The following FEM1B variants were observed in gnomAD, a reference collection of about 807,000 sequenced individuals.
The protein encoded by FEM1B is fem-1 homolog B, also known as protein fem-1 homolog B.
Under a neutral mutation model 38.6 loss-of-function variants are expected in FEM1B, and 10 were observed. The ratio of observed to expected loss-of-function variants is 0.26; its 90% CI spans 0.16 to 0.44. The LOEUF (loss-of-function observed/expected upper bound fraction) is 0.44. Among genes scored for constraint, FEM1B ranks in the 20% least tolerant of loss-of-function variants. FEM1B has a pLI of 1.00. For missense variants in FEM1B, 471 were observed against 786.7 expected, an observed-to-expected ratio of 0.60 and a Z score of 4.80; for synonymous variants, 288 against 288.0, an observed-to-expected ratio of 1.00 and a Z score of 0.00.
rs1892697538 is a variant in FEM1B at position 68,278,914 on chromosome 15, C to T, written c.248+249C>T. ...GTGGGAAGATAACCACACCCTCGGC[C>T]TTGAAATCTAATAGTCGTCTTCTCT... On this transcript the variant is annotated intron_variant, in intron 1 of 1. Transcript: ENST00000306917. The surrounding 1 kb of genome is among the most constrained non-coding windows in gnomAD (Gnocchi z 5.7). Among the ~76,000 whole-genome samples the T allele has an allele frequency of 6.6e-6, 1 of 152,204 alleles. No individual in the cohort carries two copies. The highest frequency in any genetic ancestry group is 2.4e-5 in the African/African-American group (1 of 41,446).
intron 1 of FEM1B, among the ~76,000 whole-genome samples, chr15:68,287,877 C>T (rs1221450942): frequency 6.7e-6 from 1 of 150,034 alleles, no homozygotes; most frequent in Non-Finnish European, 1.5e-5. Flanking sequence ...CTCTGTTGCC[C>T]AGGCTGAGTG....
rs1050044276 is a variant in FEM1B, at chr15:68,278,758, A to G, written c.248+93A>G. 1.4e-6 allele frequency: 2 copies of G among 1,424,084 alleles called. No homozygotes were observed. The highest frequency in any genetic ancestry group is 2.0e-6 in the Non-Finnish European group (2 of 1,025,332). The allele number at this position is 1,424,084 out of a possible 1,614,324, so 88.2% of individuals were successfully genotyped here. A position where few individuals can be genotyped will look rare whatever the true frequency, so the allele number is the denominator to read the frequency against. ...CCTCACCCTCTCTTACCCTCTCTTC[A>G]TGTAGGTACTCACTTCTCCCCTTTT... On this transcript the variant is annotated intron_variant, in intron 1 of 1. Coordinates refer to ENST00000306917, the MANE Select transcript of FEM1B (RefSeq NM_015322.5). This position sits in a 1 kb window ranked among gnomAD's most constrained non-coding sequence, Gnocchi z 5.7.
chr15:68,285,181 T>C (rs1476765954), intron 1 of FEM1B, among the ~76,000 whole-genome samples: 1 of 152,236 alleles, frequency 6.6e-6, no homozygotes, highest in Non-Finnish European at 1.5e-5. Context: ...GATTCATCCA[T>C]GTACTTGCAT....
intron 1 of FEM1B, among the ~76,000 whole-genome samples, chr15:68,279,760 T>C (rs1012552886): frequency 2.0e-5 from 3 of 152,242 alleles, no homozygotes; most frequent in African/African-American, 4.8e-5. Flanking sequence ...AAAAGCTTTT[T>C]CTTCTATTTT....
At position 68,295,568 on chromosome 15, in the gene FEM1B, T is replaced by C. The variant is rs1892897349; in HGVS notation, c.*4326T>C. Reference sequence around the variant, plus strand: ...AATCCTCCGTGCAGAGGAACTACACTGTTGTATTCTAGTAATTCACTGTGA... The same window carrying C: ...AATCCTCCGTGCAGAGGAACTACACCGTTGTATTCTAGTAATTCACTGTGA... On this transcript the variant is annotated 3_prime_UTR_variant, in exon 2 of 2. Coordinates refer to ENST00000306917, the MANE Select transcript of FEM1B (RefSeq NM_015322.5). 6.6e-6 allele frequency: 1 copy of C among 152,232 alleles called. No homozygotes were observed. Among genetic ancestry groups the C allele is most frequent in the Admixed American group, 6.5e-5 (1 of 15,280 alleles). The allele number at this position is 152,232 out of a possible 1,614,324, so 9.4% of individuals were successfully genotyped here. A position where few individuals can be genotyped will look rare whatever the true frequency, so the allele number is the denominator to read the frequency against.
intron 1 of FEM1B, among the ~76,000 whole-genome samples, chr15:68,287,782 A>T (rs548874630): frequency 3.0e-4 from 45 of 151,680 alleles, no homozygotes; most frequent in Non-Finnish European, 5.3e-4. Flanking sequence ...CTGTGTCCTC[A>T]CATGGTGGAA....
rs774744183 is a variant in FEM1B at position 68,289,114 on chromosome 15, G to A, written c.249-493G>A. Reference sequence around the variant, plus strand: ...GTAGTATAGTACTCAATTAGCTTAGGGGAAACTTACCTGCTTTATTTTTTT... The same window carrying A: ...GTAGTATAGTACTCAATTAGCTTAGAGGAAACTTACCTGCTTTATTTTTTT... On this transcript the variant is annotated intron_variant, in intron 1 of 1. Transcript: ENST00000306917. This position sits in a 1 kb window ranked among gnomAD's most constrained non-coding sequence, Gnocchi z 6.9. 2 of 161,752 alleles carry A rather than the reference G, an allele frequency of 1.2e-5. No individual in the cohort carries two copies. The highest frequency in any genetic ancestry group is 3.6e-4 in the East Asian group (2 of 5,512). 10.0% of individuals were successfully genotyped at this position (161,752 alleles called of 1,614,324 possible).
Position 68,290,907 on chromosome 15 carries a change from C to T in FEM1B, c.1549C>T (p.Leu517Phe). 6.2e-7 allele frequency: 1 copy of T among 1,614,144 alleles called. No homozygotes were observed. Among genetic ancestry groups the T allele is most frequent in the Non-Finnish European group, 8.5e-7 (1 of 1,179,996 alleles). ...CSFPNALVTK[L>F]LLDCGAEVNA... ...CTTTCCAAATGCACTTGTCACAAAGCTCCTGCTGGACTGTGGTGCTGAGGT... is the reference window on the plus strand; with the variant it reads ...CTTTCCAAATGCACTTGTCACAAAGTTCCTGCTGGACTGTGGTGCTGAGGT... Residue 517 changes from leucine to phenylalanine, a missense_variant, in exon 2 of 2, where the codon CTC (leucine) becomes TTC (phenylalanine). Transcript: ENST00000306917. This position sits in a 1 kb window ranked among gnomAD's most constrained non-coding sequence, Gnocchi z 9.7.
Position 68,284,628 on chromosome 15 carries a change from A to G in FEM1B, c.249-4979A>G, listed in dbSNP as rs1196267743. On this transcript the variant is annotated intron_variant, in intron 1 of 1. Coordinates refer to ENST00000306917, the MANE Select transcript of FEM1B (RefSeq NM_015322.5). This position sits in a 1 kb window ranked among gnomAD's most constrained non-coding sequence, Gnocchi z 4.4. ...CTAGTCACTCTCTAGATCAATGTGT[A>G]GAACACTTTATCACTCTAAAAGTTT... 6.6e-6 allele frequency among the ~76,000 whole-genome samples: 1 copy of G among 152,212 alleles called. No individual in the cohort carries two copies. The highest frequency in any genetic ancestry group is 1.5e-5 in the Non-Finnish European group (1 of 68,036).
In FEM1B at chr15:68,295,226, G is replaced by GGTAA. The variant is rs1293929212; in HGVS notation, c.*3988_*3991dup. On this transcript the variant is annotated 3_prime_UTR_variant, in exon 2 of 2. Transcript: ENST00000306917. ...GAGTGTATCTTGATGTGTGTATAGGGGTAAGTATTGCTAAATTATTTACAG... is the reference window on the plus strand; with the variant it reads ...GAGTGTATCTTGATGTGTGTATAGGGGTAAGTAAGTATTGCTAAATTATTTACAG... The GGTAA allele has an allele frequency of 1.3e-4, 20 of 152,142 alleles. No homozygotes were observed. The highest frequency in any genetic ancestry group is 3.9e-4 in the African/African-American group (16 of 41,426). The allele number at this position is 152,142 out of a possible 1,614,324, so 9.4% of individuals were successfully genotyped here. A position where few individuals can be genotyped will look rare whatever the true frequency, so the allele number is the denominator to read the frequency against.
At position 68,290,366 on chromosome 15, in the gene FEM1B, A is replaced by C. The variant is rs1388441062; in HGVS notation, c.1008A>C (p.Leu336Phe). The part of the protein sequence containing the change: ...MEGLIVRERI[L>F]GADNIDVSHP... ...GCCTTATAGTTCGGGAACGGATTTT[A>C]GGTGCTGACAATATTGATGTTTCTC... The change falls in exon 2 of 2, where the codon TTA (leucine) becomes TTC (phenylalanine). Residue 336 changes from leucine to phenylalanine, a missense_variant. This residue lies in a region of FEM1B where 380 missense variants were observed against 599.6 expected (regional missense o/e 0.63). Coordinates refer to ENST00000306917, the MANE Select transcript of FEM1B (RefSeq NM_015322.5). The surrounding 1 kb of genome is among the most constrained non-coding windows in gnomAD (Gnocchi z 9.7). 1 of 1,614,208 alleles carries C rather than the reference A, an allele frequency of 6.2e-7. No homozygotes were observed. The highest frequency in any genetic ancestry group is 8.5e-7 in the Non-Finnish European group (1 of 1,180,026).
chr15:68,291,271 T>C lies in FEM1B; in HGVS notation c.*29T>C, dbSNP rs1414126933. 3 of 1,513,238 alleles carry C rather than the reference T, an allele frequency of 2.0e-6. No individual in the cohort carries two copies. The Admixed American group carries it at 6.5e-5, about 33-fold the overall frequency. The allele number at this position is 1,513,238 out of a possible 1,614,324, so 93.7% of individuals were successfully genotyped here. A position where few individuals can be genotyped will look rare whatever the true frequency, so the allele number is the denominator to read the frequency against. On this transcript the variant is annotated 3_prime_UTR_variant, in exon 2 of 2. Coordinates refer to ENST00000306917, the MANE Select transcript of FEM1B (RefSeq NM_015322.5). This position sits in a 1 kb window ranked among gnomAD's most constrained non-coding sequence, Gnocchi z 6.9. ...ACTGGATATGTAAAGTCGTTTAATG[T>C]GGTGCTAAAAAGTAAAGGACTTTTA...
chr15:68,285,738 C>G (rs562766248), intron 1 of FEM1B, among the ~76,000 whole-genome samples: 1 of 149,198 alleles, frequency 6.7e-6, no homozygotes, highest in Non-Finnish European at 1.5e-5. Flanking sequence ...CTTGCTGTGT[C>G]GCGCAGGCTG....
chr15:68,295,226 G>T lies in FEM1B; in HGVS notation c.*3984G>T, dbSNP rs1041413395. ...GAGTGTATCTTGATGTGTGTATAGG[G>T]GTAAGTATTGCTAAATTATTTACAG... On this transcript the variant is annotated 3_prime_UTR_variant, in exon 2 of 2. Transcript: ENST00000306917. 1.3e-5 allele frequency: 2 copies of T among 152,142 alleles called. No individual in the cohort carries two copies. Among genetic ancestry groups the T allele is most frequent in the African/African-American group, 4.8e-5 (2 of 41,426 alleles). 9.4% of individuals were successfully genotyped at this position (152,142 alleles called of 1,614,324 possible).
intron 1 of FEM1B, among the ~76,000 whole-genome samples, chr15:68,285,041 C>T (rs1892770901): frequency 6.6e-6 from 1 of 152,160 alleles, no homozygotes; most frequent in East Asian, 1.9e-4. Flanking sequence ...TTATCAGCAG[C>T]GTGAAAATGG....
chr15:68,279,299 A>T (rs981487038), intron 1 of FEM1B, among the ~76,000 whole-genome samples: 1 of 152,200 alleles, frequency 6.6e-6, no homozygotes, highest in African/African-American at 2.4e-5. Flanking sequence ...GTGGGAGATG[A>T]TGCCATTCTT....
At chr15:68,286,689 A>G (rs541673808) in intron 1 of FEM1B, among the ~76,000 whole-genome samples, 1 of 152,036 alleles carries the variant, frequency 6.6e-6, no homozygotes, top group Non-Finnish European at 1.5e-5. Context: ...TGCATTTTTC[A>G]TTAGATTTAT....
rs1892870604 is a variant in FEM1B at position 68,293,619 on chromosome 15, AGTG to A, written c.*2380_*2382del. On this transcript the variant is annotated 3_prime_UTR_variant, in exon 2 of 2. Transcript: ENST00000306917. The surrounding 1 kb of genome is among the most constrained non-coding windows in gnomAD (Gnocchi z 5.8). ...ATTAGATTTTTTGTTTGTTTAGTAT[AGTG>A]GTAAATTGTGTAGTATCTTGCTGAG... 1 of 151,808 alleles carries A rather than the reference AGTG, an allele frequency of 6.6e-6. No homozygotes were observed. The highest frequency in any genetic ancestry group is 2.1e-4 in the South Asian group (1 of 4,832). 9.4% of individuals were successfully genotyped at this position (151,808 alleles called of 1,614,324 possible). A position where few individuals can be genotyped will look rare whatever the true frequency, so the allele number is the denominator to read the frequency against.
chr15:68,290,290 C>T lies in FEM1B; in HGVS notation c.932C>T (p.Pro311Leu). The T allele has an allele frequency of 6.2e-7, 1 of 1,614,068 alleles. No individual in the cohort carries two copies. The highest frequency in any genetic ancestry group is 8.5e-7 in the Non-Finnish European group (1 of 1,179,992). ...AYGNRTECRNPQELESIRQDR... is the reference protein window; with the variant it reads ...AYGNRTECRNLQELESIRQDR... ...GGGAATAGAACTGAATGTAGAAATCCTCAGGAACTGGAGTCCATTCGGCAA... is the reference window on the plus strand; with the variant it reads ...GGGAATAGAACTGAATGTAGAAATCTTCAGGAACTGGAGTCCATTCGGCAA... The change falls in exon 2 of 2, where the codon CCT becomes CTT. Residue 311 changes from proline (P) to leucine (L), a missense_variant. By Grantham distance (98) the Pro-to-Leu change is moderately conservative. This residue lies in a region of FEM1B where 380 missense variants were observed against 599.6 expected (regional missense o/e 0.63). Transcript: ENST00000306917. The surrounding 1 kb of genome is among the most constrained non-coding windows in gnomAD (Gnocchi z 9.7).
Sources: gnomAD v4.1 joint callset for allele counts (sites outside exome capture counted in the v4.1 genomes callset) on GRCh38, gnomAD v4.1.1 for gene constraint, gnomAD v4.1.1 regional missense constraint, Gnocchi (gnomAD v3.1) non-coding constraint, MANE v1.5 for transcripts, NCBI Gene and HGNC (gene_info 2026-07-23, HGNC 2026-07-21) for gene names.